Variants in PPP2R5C observed in about 807,000 individuals in gnomAD.
PPP2R5C encodes serine/threonine-protein phosphatase 2A 56 kDa regulatory subunit gamma isoform.
A neutral mutation model predicts 68.9 loss-of-function variants in PPP2R5C; 7 were observed. The observed-to-expected ratio is 0.10, with a 90% CI of 0.06 to 0.19. The LOEUF (loss-of-function observed/expected upper bound fraction) is 0.19. Among genes scored for constraint, PPP2R5C ranks in the 10% least tolerant of loss-of-function variants. The pLI, the probability that PPP2R5C is intolerant of heterozygous loss-of-function variation, is 1.00. For synonymous variants in PPP2R5C, 210 were observed against 222.2 expected (o/e 0.95, Z 0.49); for missense variants, 348 against 641.3 (o/e 0.54, Z 4.94).
At chr14:101,778,761 T>C (rs542695153) in intron 2 of PPP2R5C, among the ~76,000 whole-genome samples, 15 of 152,306 alleles carry the variant, frequency 9.8e-5, no homozygotes, top group Non-Finnish European at 1.8e-4. Context: ...GATGCACTTT[T>C]AAAAGATCCA....
At chr14:101,859,493 T>C (rs111258906) in intron 2 of PPP2R5C, among the ~76,000 whole-genome samples, 2 of 152,082 alleles carry the variant, frequency 1.3e-5, no homozygotes, top group East Asian at 1.9e-4. Context: ...GAAGGCAACA[T>C]AGCCTTTCCC....
intron 3 of PPP2R5C, among the ~76,000 whole-genome samples, chr14:101,787,599 TA>T (rs1409955038): frequency 6.6e-6 from 1 of 151,542 alleles, no homozygotes; most frequent in Non-Finnish European, 1.5e-5. Context: ...CCGTCTCTAC[TA>T]AAAATACAAA....
In PPP2R5C at chr14:101,917,957, C is replaced by T. The variant is rs1377208731; in HGVS notation, c.1443+10C>T. The T allele has an allele frequency of 6.2e-6, 10 of 1,613,590 alleles. No homozygotes were observed. Among genetic ancestry groups the T allele is most frequent in the Non-Finnish European group, 7.6e-6 (9 of 1,179,794 alleles). Reference sequence around the variant, plus strand: ...GGACGAGGCTCATCAGGTAAAAGTGCACCGAGCTCAGCTGGGCACCCATGA... The same window carrying T: ...GGACGAGGCTCATCAGGTAAAAGTGTACCGAGCTCAGCTGGGCACCCATGA... On this transcript the variant is annotated intron_variant, in intron 13 of 13. Coordinates refer to ENST00000334743, the Ensembl canonical transcript of PPP2R5C. This position sits in a 1 kb window ranked among gnomAD's most constrained non-coding sequence, Gnocchi z 4.4.
intron 1 of PPP2R5C, chr14:101,820,842 C>G (rs1220600182): frequency 2.0e-5 from 3 of 151,916 alleles, no homozygotes; most frequent in Admixed American, 2.0e-4. Flanking sequence ...ATGAAGTGAA[C>G]CTATTGCTAA....
chr14:101,902,516 A>G (rs1456322097), intron 9 of PPP2R5C, among the ~76,000 whole-genome samples: 1 of 148,604 alleles, frequency 6.7e-6, no homozygotes, highest in Non-Finnish European at 1.5e-5. Flanking sequence ...CTTTTGCATC[A>G]TTGAGCGGAT....
intron 1 of PPP2R5C, among the ~76,000 whole-genome samples, chr14:101,841,603 G>A (rs192432712): frequency 1.1e-3 from 160 of 152,366 alleles, no homozygotes; most frequent in African/African-American, 3.4e-3. Context: ...GAGGAGGTGG[G>A]GCGAGGAAAG....
intron 1 of PPP2R5C, among the ~76,000 whole-genome samples, chr14:101,816,753 G>A (rs946564573): frequency 6.6e-6 from 1 of 151,092 alleles, no homozygotes; most frequent in Non-Finnish European, 1.5e-5. Flanking sequence ...ATATGTCAAA[G>A]CATGAACAGT....
At chr14:101,904,546 G>A (rs1015702662) in intron 9 of PPP2R5C, among the ~76,000 whole-genome samples, 8 of 152,236 alleles carry the variant, frequency 5.3e-5, no homozygotes, top group Admixed American at 2.6e-4. Flanking sequence ...AATCCACGCC[G>A]CACTCTCATG....
Position 101,917,861 on chromosome 14 carries a change from A to C in PPP2R5C, c.1357A>C (p.Ser453Arg). ...AGTGTATAGTCAAGCCAGCACCATG[A>C]GCATTCCGGTTGCAATGGAGACAGA... Residue 453 changes from serine (S) to arginine (R), a missense_variant, in exon 13 of 14, where the codon AGC (serine) becomes CGC (arginine). Around this residue, in one of 4 missense-constraint regions of PPP2R5C, gnomAD observed 118 missense variants for 108.9 expected, o/e 1.08. Coordinates refer to ENST00000334743, the Ensembl canonical transcript of PPP2R5C. This position sits in a 1 kb window ranked among gnomAD's most constrained non-coding sequence, Gnocchi z 4.4. 6.2e-7 allele frequency: 1 copy of C among 1,613,754 alleles called. No homozygotes were observed. Among genetic ancestry groups the C allele is most frequent in the East Asian group, 2.2e-5 (1 of 44,876 alleles).
At chr14:101,831,128 G>A (rs1288449623) in intron 1 of PPP2R5C, among the ~76,000 whole-genome samples, 2 of 151,508 alleles carry the variant, frequency 1.3e-5, no homozygotes, top group African/African-American at 4.9e-5. Flanking sequence ...CAGCAGAAGG[G>A]CACCTCACTC....
At chr14:101,847,736 C>T (rs949630892) in intron 1 of PPP2R5C, among the ~76,000 whole-genome samples, 3 of 147,660 alleles carry the variant, frequency 2.0e-5, no homozygotes, top group Non-Finnish European at 3.0e-5. Context: ...GATCTCAGCT[C>T]ACTGCAACCT....
At chr14:101,890,433 T>A in intron 6 of PPP2R5C, 137 bp downstream of exon 8, 1 of 819,156 alleles carries the variant, frequency 1.2e-6, no homozygotes, top group Non-Finnish European at 1.9e-6. Flanking sequence ...ACAATTTCAC[T>A]GAAAGCAGGA....
intron 2 of PPP2R5C, among the ~76,000 whole-genome samples, chr14:101,772,444 C>T (rs551342764): frequency 6.6e-6 from 1 of 152,164 alleles, no homozygotes; most frequent in South Asian, 2.1e-4. Flanking sequence ...TAGACATTTT[C>T]TCTTATTTAT....
chr14:101,856,207 G>A (rs1035220438), intron 1 of PPP2R5C, among the ~76,000 whole-genome samples: 2 of 152,086 alleles, frequency 1.3e-5, no homozygotes, highest in African/African-American at 4.8e-5. Context: ...GTAAGCTGAG[G>A]GCCTATAGGC....
intron 1 of PPP2R5C, among the ~76,000 whole-genome samples, chr14:101,842,691 C>G (rs945734388): frequency 6.6e-6 from 1 of 151,854 alleles, no homozygotes; most frequent in African/African-American, 2.4e-5. Context: ...GGTGCCTGCT[C>G]ACACCTGGCA....
chr14:101,808,510 A>T (rs2039170490), upstream of PPP2R5C, among the ~76,000 whole-genome samples: 1 of 152,204 alleles, frequency 6.6e-6, no homozygotes, highest in South Asian at 2.1e-4. Context: ...TACACACAAT[A>T]AAAGCTACAT....
rs2043831901 is a variant in PPP2R5C, at chr14:101,877,075, A to C, written c.295-5086A>C. 6.7e-6 allele frequency among the ~76,000 whole-genome samples: 1 copy of C among 149,484 alleles called. No individual in the cohort carries two copies. Among genetic ancestry groups the C allele is most frequent in the Non-Finnish European group, 1.5e-5 (1 of 67,730 alleles). Reference sequence around the variant, plus strand: ...GTGATTCTCCTGCCTCAGCCTCCCGAGTAGCTGGGATTACAGGCACCCACC... The same window carrying C: ...GTGATTCTCCTGCCTCAGCCTCCCGCGTAGCTGGGATTACAGGCACCCACC... On this transcript the variant is annotated intron_variant, in intron 2 of 13. Transcript: ENST00000334743. This position sits in a 1 kb window ranked among gnomAD's most constrained non-coding sequence, Gnocchi z 4.2.
intron 3 of PPP2R5C, among the ~76,000 whole-genome samples, chr14:101,787,459 ACTTGCT>A (rs1481487868): frequency 6.6e-6 from 1 of 151,702 alleles, no homozygotes; most frequent in Non-Finnish European, 1.5e-5. Context: ...CTTGCCCCCT[ACTTGCT>A]AGAAATCCAG....
At chr14:101,786,801 C>G (rs1566837631) in intron 3 of PPP2R5C, among the ~76,000 whole-genome samples, 1 of 152,148 alleles carries the variant, frequency 6.6e-6, no homozygotes, top group Non-Finnish European at 1.5e-5. Flanking sequence ...GTGCTTAAAA[C>G]CTTATCAAGG....
Sources: gnomAD v4.1 joint callset for allele counts (sites outside exome capture counted in the v4.1 genomes callset) on GRCh38, gnomAD v4.1.1 for gene constraint, gnomAD v4.1.1 regional missense constraint, Gnocchi (gnomAD v3.1) non-coding constraint, MANE v1.5 for transcripts, NCBI Gene and HGNC (gene_info 2026-07-23, HGNC 2026-07-21) for gene names.